The following COLEC12 variants were observed in gnomAD, a reference collection of about 807,000 sequenced individuals.
The protein encoded by COLEC12 is collectin-12.
COLEC12 carries 33 observed loss-of-function variants against 71.1 expected under a neutral mutation model. The observed-to-expected ratio is 0.46, with a 90% CI of 0.35 to 0.62. The LOEUF (loss-of-function observed/expected upper bound fraction) is 0.62, where lower values mean the gene tolerates loss of function less well. Ranked by LOEUF, COLEC12 falls within the 20% of genes least tolerant of loss-of-function variation. The pLI, the probability that COLEC12 is intolerant of heterozygous loss-of-function variation, is 0.00. For synonymous variants in COLEC12, 350 were observed against 353.0 expected (o/e 0.99, Z 0.10); for missense variants, 765 against 916.1 (o/e 0.84, Z 2.13).
rs1917799088 is a variant in COLEC12, at chr18:500,397, C to T, written c.7+111G>A. On this transcript the variant is annotated intron_variant, in intron 1 of 9. Transcript: ENST00000400256. This position sits in a 1 kb window ranked among gnomAD's most constrained non-coding sequence, Gnocchi z 5.3. ...CGGCGCCCTGGCAGCCCCGACTCCC[C>T]GGGCCCGCAGCCCAAGGGAAGGTTC... The T allele has an allele frequency of 1.7e-6, 1 of 598,342 alleles. No homozygotes were observed. The highest frequency in any genetic ancestry group is 7.5e-5 in the South Asian group (1 of 13,374). 37.1% of individuals were successfully genotyped at this position (598,342 alleles called of 1,614,324 possible). A position where few individuals can be genotyped will look rare whatever the true frequency, so the allele number is the denominator to read the frequency against.
chr18:419,135 G>A (rs1401710188), intron 2 of COLEC12, among the ~76,000 whole-genome samples: 3 of 150,754 alleles, frequency 2.0e-5, no homozygotes, highest in Admixed American at 1.3e-4. Context: ...TCCAATCAAT[G>A]TAAGGCATCA....
intron 2 of COLEC12, among the ~76,000 whole-genome samples, chr18:372,333 C>A (rs1442400332): frequency 6.6e-6 from 1 of 152,204 alleles, no homozygotes. Flanking sequence ...TGGGAGCAGG[C>A]AATCCAAACC....
rs778791307 is a variant in COLEC12 at position 318,218 on chromosome 18, G to C, written c.*1827C>G. The C allele has an allele frequency of 3.3e-5, 5 of 151,828 alleles. No homozygotes were observed. The allele number at this position is 151,828 out of a possible 1,614,324, so 9.4% of individuals were successfully genotyped here. A position where few individuals can be genotyped will look rare whatever the true frequency, so the allele number is the denominator to read the frequency against. Reference sequence around the variant, plus strand: ...GATGGTCTCGATCTCCTGACCTTGTGATCCGTCCGCCTCGGCCTCCCAAAG... The same window carrying C: ...GATGGTCTCGATCTCCTGACCTTGTCATCCGTCCGCCTCGGCCTCCCAAAG... On this transcript the variant is annotated 3_prime_UTR_variant, in exon 10 of 10. Transcript: ENST00000400256.
At chr18:388,731 C>T (rs1783395993) in intron 2 of COLEC12, among the ~76,000 whole-genome samples, 2 of 152,292 alleles carry the variant, frequency 1.3e-5, no homozygotes, top group Middle Eastern at 6.8e-3. Flanking sequence ...TCATGAGCTA[C>T]CTGTGGCCAC....
intron 4 of COLEC12, among the ~76,000 whole-genome samples, chr18:347,854 T>A (rs1227329438): frequency 1.3e-5 from 2 of 152,206 alleles, no homozygotes; most frequent in African/African-American, 2.4e-5. Flanking sequence ...TGGCACATAA[T>A]AGTTTTCTTG....
intron 2 of COLEC12, among the ~76,000 whole-genome samples, chr18:444,966 T>C (rs368511738): frequency 1.3e-5 from 2 of 152,220 alleles, no homozygotes; most frequent in East Asian, 3.8e-4. Flanking sequence ...CTATGTCTAT[T>C]TATTAAGAAA....
intron 2 of COLEC12, among the ~76,000 whole-genome samples, chr18:413,191 A>G (rs940038965): frequency 9.9e-5 from 15 of 152,248 alleles, no homozygotes; most frequent in African/African-American, 3.6e-4. Flanking sequence ...GGCAGAAGAC[A>G]TGAAGAGACA....
At position 319,335 on chromosome 18, in the gene COLEC12, A is replaced by ATATATAT. The variant is rs1354755711; in HGVS notation, c.*709_*710insATATATA. ...AAATGAAACATTAAAAAAAAAAAAAAAAAAAAATATATATATATATATATA... is the reference window on the plus strand; with the variant it reads ...AAATGAAACATTAAAAAAAAAAAAAATATATATAAAAAAATATATATATATATATATA... On this transcript the variant is annotated 3_prime_UTR_variant, in exon 10 of 10. Transcript: ENST00000400256. 5.0e-4 allele frequency: 21 copies of ATATATAT among 42,086 alleles called. No homozygotes were observed. The East Asian group carries it at 6.3e-3, about 13-fold the overall frequency. 2.6% of individuals were successfully genotyped at this position (42,086 alleles called of 1,614,324 possible).
At chr18:497,007 T>C (rs1028307824) in intron 1 of COLEC12, among the ~76,000 whole-genome samples, 1 of 152,146 alleles carries the variant, frequency 6.6e-6, no homozygotes, top group Non-Finnish European at 1.5e-5. Flanking sequence ...AAAATGAAAT[T>C]GGAAATAAAT....
chr18:420,621 G>A (rs11877343), intron 2 of COLEC12, among the ~76,000 whole-genome samples: 59 of 152,200 alleles, frequency 3.9e-4, no homozygotes, highest in African/African-American at 1.2e-3. Context: ...CTTAAGGACT[G>A]TGTAAATGAG....
At chr18:410,891 C>A (rs1251411379) in intron 2 of COLEC12, among the ~76,000 whole-genome samples, 1 of 152,182 alleles carries the variant, frequency 6.6e-6, no homozygotes. Context: ...CCAAAAACCA[C>A]AGAATCCCCA....
intron 2 of COLEC12, among the ~76,000 whole-genome samples, chr18:420,747 A>C (rs1916082004): frequency 6.6e-6 from 1 of 152,150 alleles, no homozygotes; most frequent in Non-Finnish European, 1.5e-5. Flanking sequence ...ATGATGTTTT[A>C]ACATCCTTAA....
At chr18:492,801 T>C (rs537919317) in intron 1 of COLEC12, among the ~76,000 whole-genome samples, 167 of 152,262 alleles carry the variant, frequency 1.1e-3, no homozygotes, top group Middle Eastern at 6.8e-3. Flanking sequence ...CAAAGCAATA[T>C]ACTATAATTA....
chr18:392,949 C>T (rs1448213221), intron 2 of COLEC12, among the ~76,000 whole-genome samples: 1 of 152,232 alleles, frequency 6.6e-6, no homozygotes, highest in Non-Finnish European at 1.5e-5. Flanking sequence ...AATAGAAGCT[C>T]AAGTTCATTG....
intron 2 of COLEC12, among the ~76,000 whole-genome samples, chr18:448,767 C>A (rs906939293): frequency 6.6e-6 from 1 of 152,026 alleles, no homozygotes; most frequent in Non-Finnish European, 1.5e-5. Context: ...TTGAACAGAT[C>A]CTTTTCTATT....
chr18:462,250 T>C lies in COLEC12; in HGVS notation c.58+18457A>G, dbSNP rs574853298. ...CAAAAGTTCACAGCAGCATTATTTATAATAGCCACAAAGTAGAAACTACCC... is the reference window on the plus strand; with the variant it reads ...CAAAAGTTCACAGCAGCATTATTTACAATAGCCACAAAGTAGAAACTACCC... On this transcript the variant is annotated intron_variant, in intron 2 of 9. Coordinates refer to ENST00000400256, the MANE Select transcript of COLEC12 (RefSeq NM_130386.3). Among the ~76,000 whole-genome samples the C allele has an allele frequency of 8.5e-5, 13 of 152,314 alleles. No individual in the cohort carries two copies. In the South Asian group the frequency reaches 2.3e-3, roughly 27 times the overall value.
chr18:322,753 T>C (rs1162092051), intron 8 of COLEC12, among the ~76,000 whole-genome samples: 1 of 152,110 alleles, frequency 6.6e-6, no homozygotes, highest in Non-Finnish European at 1.5e-5. Context: ...ATTACCGCAC[T>C]GGCCACAGGG....
At chr18:402,647 C>T (rs1046174258) in intron 2 of COLEC12, among the ~76,000 whole-genome samples, 1 of 152,098 alleles carries the variant, frequency 6.6e-6, no homozygotes, top group African/African-American at 2.4e-5. Context: ...GTTTCACCTT[C>T]ACCTAACAAA....
chr18:392,141 T>A (rs773152970), intron 2 of COLEC12, among the ~76,000 whole-genome samples: 2 of 152,154 alleles, frequency 1.3e-5, no homozygotes, highest in Non-Finnish European at 2.9e-5. Flanking sequence ...TTCTTGCCAA[T>A]CAAATGGATG....
Sources: gnomAD v4.1 joint callset for allele counts (sites outside exome capture counted in the v4.1 genomes callset) on GRCh38, gnomAD v4.1.1 for gene constraint, Gnocchi (gnomAD v3.1) non-coding constraint, MANE v1.5 for transcripts, NCBI Gene and HGNC (gene_info 2026-07-23, HGNC 2026-07-21) for gene names.